ANAPC10: variants seen among roughly 807,000 people sequenced by gnomAD.
The protein encoded by ANAPC10 is anaphase promoting complex subunit 10.
In ANAPC10, 12 loss-of-function variants were observed where a neutral mutation model predicts 22.0. The observed-to-expected ratio is 0.55, with a 90% confidence interval of 0.35 to 0.88. The LOEUF (loss-of-function observed/expected upper bound fraction) is 0.88, where lower values mean the gene tolerates loss of function less well. Among genes scored for constraint, ANAPC10 ranks in the 40% least tolerant of loss-of-function variants. ANAPC10 has a pLI of 0.01. For synonymous variants in ANAPC10, 65 were observed against 69.5 expected, an observed-to-expected ratio of 0.94 and a Z score of 0.32; for missense variants, 188 against 220.9, an observed-to-expected ratio of 0.85 and a Z score of 0.94.
At chr4:145,061,665 C>T (rs911951307) in intron 4 of ANAPC10, among the ~76,000 whole-genome samples, 1 of 152,102 alleles carries the variant, frequency 6.6e-6, no homozygotes, top group Non-Finnish European at 1.5e-5. Flanking sequence ...GCCAACTCTA[C>T]TTATAAAAGG....
chr4:145,042,933 TAA>T (rs1374436087), intron 4 of ANAPC10, among the ~76,000 whole-genome samples: 1 of 150,824 alleles, frequency 6.6e-6, no homozygotes, highest in Non-Finnish European at 1.5e-5. Flanking sequence ...AAAAACAAAA[TAA>T]AGTGTTTTTA....
intron 4 of ANAPC10, among the ~76,000 whole-genome samples, chr4:145,058,199 C>A (rs929969212): frequency 6.6e-6 from 1 of 152,174 alleles, no homozygotes; most frequent in Non-Finnish European, 1.5e-5. Context: ...TTACCACTCC[C>A]TCAGACCTAT....
At chr4:145,025,661 G>A (rs1281841148) in intron 4 of ANAPC10, among the ~76,000 whole-genome samples, 1 of 152,012 alleles carries the variant, frequency 6.6e-6, no homozygotes, top group Non-Finnish European at 1.5e-5. Context: ...GTATAATATT[G>A]GTGAAAAAGT....
At chr4:145,076,430 A>G (rs947768227) in intron 3 of ANAPC10, among the ~76,000 whole-genome samples, 4 of 152,226 alleles carry the variant, frequency 2.6e-5, no homozygotes, top group African/African-American at 9.6e-5. Flanking sequence ...AGAAGATAAA[A>G]GCAAAAAAGT....
At chr4:145,045,659 G>T (rs185919077) in intron 4 of ANAPC10, among the ~76,000 whole-genome samples, 2 of 152,038 alleles carry the variant, frequency 1.3e-5, no homozygotes, top group Admixed American at 6.6e-5. Context: ...TCACATATAT[G>T]AATGTATACG....
intron 4 of ANAPC10, among the ~76,000 whole-genome samples, chr4:145,014,908 C>G (rs1044063203): frequency 6.6e-6 from 1 of 152,150 alleles, no homozygotes; most frequent in South Asian, 2.1e-4. Context: ...ATCAAGGGAA[C>G]AGCCCATGGG....
chr4:144,995,976 C>T (rs1165292046), intron 4 of ANAPC10, among the ~76,000 whole-genome samples: 1 of 152,152 alleles, frequency 6.6e-6, no homozygotes, highest in Non-Finnish European at 1.5e-5. Flanking sequence ...TGTGCCTCCT[C>T]CATGAAAAGG....
chr4:145,056,916 G>A (rs1161644586), intron 4 of ANAPC10, among the ~76,000 whole-genome samples: 1 of 152,074 alleles, frequency 6.6e-6, no homozygotes, highest in Non-Finnish European at 1.5e-5. Context: ...TTTAGATTTT[G>A]TGGGTTTTTT....
chr4:145,055,553 G>T (rs1741931585), intron 4 of ANAPC10, among the ~76,000 whole-genome samples: 1 of 150,970 alleles, frequency 6.6e-6, no homozygotes, highest in South Asian at 2.1e-4. Context: ...GCTAGACACT[G>T]TCTCAATAAA....
At chr4:145,097,597 T>C (rs1748772806) in intron 1 of ANAPC10, 4 of 1,199,658 alleles carry the variant, frequency 3.3e-6, no homozygotes, top group Admixed American at 2.3e-5. Context: ...CTGTAAACTT[T>C]GGCAAGGCCT....
At chr4:145,094,673 C>G (rs1297920214) in intron 2 of ANAPC10, among the ~76,000 whole-genome samples, 1 of 152,082 alleles carries the variant, frequency 6.6e-6, no homozygotes, top group African/African-American at 2.4e-5. Flanking sequence ...AAGCTTGAGT[C>G]TGCAGGTGAA....
At chr4:145,018,341 A>G (rs967028089) in intron 4 of ANAPC10, among the ~76,000 whole-genome samples, 38 of 152,196 alleles carry the variant, frequency 2.5e-4, no homozygotes, top group African/African-American at 7.5e-4. Context: ...ATGGATAAGC[A>G]TTCACCAACT....
chr4:145,059,957 C>G (rs191886788), intron 4 of ANAPC10, among the ~76,000 whole-genome samples: 179 of 152,110 alleles, frequency 1.2e-3, no homozygotes, highest in African/African-American at 4.2e-3. Context: ...AATTTAAAAA[C>G]TACCATCTTG....
rs1343774253 is a variant in ANAPC10 at position 145,026,957 on chromosome 4, G to GTGTGTA, written c.328-31355_328-31354insTACACA. 1.3e-3 allele frequency among the ~76,000 whole-genome samples: 24 copies of GTGTGTA among 18,346 alleles called. 1 individual carries two copies. The highest frequency in any genetic ancestry group is 8.8e-3 in the South Asian group (2 of 226). 12.0% of individuals were successfully genotyped at this position (18,346 alleles called of 152,430 possible). On this transcript the variant is annotated intron_variant, in intron 4 of 4. Transcript: ENST00000507656. ...TATATATATATATATGTGTGTGTGT[G>GTGTGTA]TATATATATATATATATATATATAT...
intron 2 of ANAPC10, among the ~76,000 whole-genome samples, chr4:145,085,649 G>A (rs545606034): frequency 2.0e-5 from 3 of 152,046 alleles, no homozygotes; most frequent in African/African-American, 7.2e-5. Context: ...CTAATTTATT[G>A]CTTAGAAAGT....
At chr4:145,080,030 C>T (rs142784169) in intron 3 of ANAPC10, among the ~76,000 whole-genome samples, 1 of 140,454 alleles carries the variant, frequency 7.1e-6, no homozygotes, top group East Asian at 2.3e-4. Context: ...AGGAGAATCA[C>T]TTGAACCTGG....
At chr4:145,054,707 T>C (rs1579054122) in intron 4 of ANAPC10, among the ~76,000 whole-genome samples, 1 of 147,174 alleles carries the variant, frequency 6.8e-6, no homozygotes, top group African/African-American at 2.7e-5. Context: ...TGTGTGTGTG[T>C]GCATGTGTGT....
At chr4:145,090,973 G>A (rs1001821936) in intron 2 of ANAPC10, among the ~76,000 whole-genome samples, 14 of 152,146 alleles carry the variant, frequency 9.2e-5, no homozygotes, top group African/African-American at 3.1e-4. Flanking sequence ...AGCAAAGATC[G>A]AGCAATCACT....
chr4:145,023,218 G>GC (rs1736209232), intron 4 of ANAPC10, among the ~76,000 whole-genome samples: 2 of 151,458 alleles, frequency 1.3e-5, no homozygotes, highest in South Asian at 4.2e-4. Context: ...TATGCAAAGT[G>GC]AAAAAAAACC....
Sources: allele counts gnomAD v4.1 joint callset (sites outside exome capture counted in the v4.1 genomes callset), GRCh38; gene constraint gnomAD v4.1.1; transcripts MANE v1.5; gene names NCBI Gene and HGNC (gene_info 2026-07-23, HGNC 2026-07-21).